Variants in DIRAS2 observed in about 807,000 individuals in gnomAD.
DIRAS2 encodes DIRAS family GTPase 2.
DIRAS2 carries 5 observed loss-of-function variants against 13.9 expected under a neutral mutation model. The ratio of observed to expected loss-of-function variants is 0.36; its 90% CI spans 0.19 to 0.76. The LOEUF (loss-of-function observed/expected upper bound fraction) is 0.76. Ranked by LOEUF, DIRAS2 falls within the 30% of genes least tolerant of loss-of-function variation. DIRAS2 has a pLI of 0.53. For synonymous variants in DIRAS2, 111 were observed against 105.4 expected, an observed-to-expected ratio of 1.05 and a Z score of -0.33; for missense variants, 191 against 263.0, an observed-to-expected ratio of 0.73 and a Z score of 1.89.
At chr9:90,642,190 T>A (rs1825424626) in intron 1 of DIRAS2, among the ~76,000 whole-genome samples, 2 of 152,242 alleles carry the variant, frequency 1.3e-5, no homozygotes, top group African/African-American at 4.8e-5. Context: ...AACTAAGGAC[T>A]GGATGCAGCC....
Position 90,610,681 on chromosome 9 carries a change from G to T in DIRAS2, c.*2547C>A. 3 of 357,614 alleles carry T rather than the reference G, an allele frequency of 8.4e-6. No homozygotes were observed. The highest frequency in any genetic ancestry group is 1.5e-5 in the Non-Finnish European group (3 of 201,900). 22.2% of individuals were successfully genotyped at this position (357,614 alleles called of 1,614,324 possible). A position where few individuals can be genotyped will look rare whatever the true frequency, so the allele number is the denominator to read the frequency against. ...CTCCTCAAACTCTGAGTCAATTGGGGATCTCCTAAAAGACGATTTTGAGAT... is the reference window on the plus strand; with the variant it reads ...CTCCTCAAACTCTGAGTCAATTGGGTATCTCCTAAAAGACGATTTTGAGAT... On this transcript the variant is annotated 3_prime_UTR_variant, in exon 2 of 2. Transcript: ENST00000375765.
chr9:90,612,155 T>C lies in DIRAS2; in HGVS notation c.*1073A>G, dbSNP rs542299555. ...GCATTTTCCAGGAACATATTTCCAA[T>C]ACAGATAGATCATCAAAAACACAGT... is the stretch of plus-strand genomic sequence containing the variant. On this transcript the variant is annotated 3_prime_UTR_variant, in exon 2 of 2. Coordinates refer to ENST00000375765, the MANE Select transcript of DIRAS2 (RefSeq NM_017594.5). The C allele has an allele frequency of 6.5e-6, 1 of 152,772 alleles. No individual in the cohort carries two copies. The highest frequency in any genetic ancestry group is 2.4e-5 in the African/African-American group (1 of 41,592). 9.5% of individuals were successfully genotyped at this position (152,772 alleles called of 1,614,324 possible).
At position 90,636,349 on chromosome 9, in the gene DIRAS2, G is replaced by A. The variant is rs568867187; in HGVS notation, c.-37+6403C>T. Among the ~76,000 whole-genome samples the A allele has an allele frequency of 3.3e-5, 5 of 152,234 alleles. No individual in the cohort carries two copies. The East Asian group carries it at 9.7e-4, about 30-fold the overall frequency. ...TACCTGCATTGAGGTAGGGATGGAAGCCAAGGGTGTGGATAAGATGGTTTG... is the reference window on the plus strand; with the variant it reads ...TACCTGCATTGAGGTAGGGATGGAAACCAAGGGTGTGGATAAGATGGTTTG... On this transcript the variant is annotated intron_variant, in intron 1 of 1. Transcript: ENST00000375765.
intron 1 of DIRAS2, among the ~76,000 whole-genome samples, chr9:90,641,605 ATTCCCCT>A: frequency 6.6e-6 from 1 of 152,200 alleles, no homozygotes; most frequent in East Asian, 1.9e-4. Flanking sequence ...AAAAAGTATG[ATTCCCCT>A]ACAAATTTGT....
rs976594418 is a variant in DIRAS2, at chr9:90,613,962, G to A, written c.-36-99C>T. On this transcript the variant is annotated intron_variant, in intron 1 of 1. Coordinates refer to ENST00000375765, the MANE Select transcript of DIRAS2 (RefSeq NM_017594.5). The surrounding 1 kb of genome is among the most constrained non-coding windows in gnomAD (Gnocchi z 5.6). ...TCTTTTGATAGCTTAAAAATGGGAG[G>A]TGATAACATTTAAAATAGCGACAAT... 25 of 1,174,346 alleles carry A rather than the reference G, an allele frequency of 2.1e-5. No homozygotes were observed. In the East Asian group the frequency reaches 6.3e-4, roughly 30 times the overall value. The allele number at this position is 1,174,346 out of a possible 1,614,324, so 72.7% of individuals were successfully genotyped here.
chr9:90,630,798 C>A (rs1020668733), intron 1 of DIRAS2, among the ~76,000 whole-genome samples: 2 of 152,162 alleles, frequency 1.3e-5, no homozygotes, highest in Non-Finnish European at 2.9e-5. Context: ...CTTTCTTCAT[C>A]CCTGTAATTG....
At chr9:90,627,219 A>G (rs972346103) in intron 1 of DIRAS2, among the ~76,000 whole-genome samples, 4 of 152,174 alleles carry the variant, frequency 2.6e-5, no homozygotes, top group Admixed American at 2.0e-4. Context: ...AGACACCGCT[A>G]TGGTTCCTGT....
At chr9:90,620,901 C>A (rs1464154038) in intron 1 of DIRAS2, among the ~76,000 whole-genome samples, 1 of 152,034 alleles carries the variant, frequency 6.6e-6, no homozygotes, top group Non-Finnish European at 1.5e-5. Flanking sequence ...TGTTATATGA[C>A]CATTATCTAG....
chr9:90,616,271 CT>C, intron 1 of DIRAS2, among the ~76,000 whole-genome samples: 1 of 152,350 alleles, frequency 6.6e-6, no homozygotes, highest in Admixed American at 6.5e-5. Flanking sequence ...GAAATATCCA[CT>C]GAGCTTCCAC....
intron 1 of DIRAS2, among the ~76,000 whole-genome samples, chr9:90,617,274 T>C (rs1429758207): frequency 6.6e-6 from 1 of 152,120 alleles, no homozygotes; most frequent in Non-Finnish European, 1.5e-5. Flanking sequence ...GGGTCAGGTT[T>C]ATGGGACAAA....
Position 90,613,068 on chromosome 9 carries a change from G to T in DIRAS2, c.*160C>A. On this transcript the variant is annotated 3_prime_UTR_variant, in exon 2 of 2. Coordinates refer to ENST00000375765, the MANE Select transcript of DIRAS2 (RefSeq NM_017594.5). The surrounding 1 kb of genome is among the most constrained non-coding windows in gnomAD (Gnocchi z 5.6). ...ACTCCAGAGTGGGTGGCTTACTGTT[G>T]GTGGTGTGAAACGCCCTCTTAAGGA... is the stretch of plus-strand genomic sequence containing the variant. 2.0e-6 allele frequency: 2 copies of T among 1,022,476 alleles called. No homozygotes were observed. The highest frequency in any genetic ancestry group is 2.8e-6 in the Non-Finnish European group (2 of 714,436). The allele number at this position is 1,022,476 out of a possible 1,614,324, so 63.3% of individuals were successfully genotyped here.
rs7040985 is a variant in DIRAS2 at position 90,642,247 on chromosome 9, A to G, written c.-37+505T>C. 6.3e-3 allele frequency among the ~76,000 whole-genome samples: 957 copies of G among 152,350 alleles called. 9 individuals carry two copies. Among genetic ancestry groups the G allele is most frequent in the African/African-American group, 0.022 (911 of 41,582 alleles). On this transcript the variant is annotated intron_variant, in intron 1 of 1. Coordinates refer to ENST00000375765, the MANE Select transcript of DIRAS2 (RefSeq NM_017594.5). ...ACAACAAGGAAGCGGAAAGGAGCAC[A>G]TGTAGATATCATGAAACACATTCTT...
intron 1 of DIRAS2, among the ~76,000 whole-genome samples, chr9:90,639,729 T>C (rs1293301687): frequency 4.6e-5 from 7 of 152,216 alleles, no homozygotes; most frequent in East Asian, 1.9e-4. Flanking sequence ...TTATTTTTCA[T>C]AGAATCACAG....
intron 1 of DIRAS2, among the ~76,000 whole-genome samples, chr9:90,632,120 C>A (rs1170919664): frequency 2.0e-5 from 3 of 152,188 alleles, no homozygotes; most frequent in Admixed American, 6.5e-5. Context: ...GCTGGGTGAT[C>A]AGTTTGCCTC....
chr9:90,633,283 T>C (rs1185174090), intron 1 of DIRAS2, among the ~76,000 whole-genome samples: 1 of 152,020 alleles, frequency 6.6e-6, no homozygotes, highest in Non-Finnish European at 1.5e-5. Context: ...CAACTAGTGA[T>C]GGGTCGGTGG....
At chr9:90,629,994 T>A (rs1238216268) in intron 1 of DIRAS2, among the ~76,000 whole-genome samples, 1 of 152,240 alleles carries the variant, frequency 6.6e-6, no homozygotes, top group Non-Finnish European at 1.5e-5. Flanking sequence ...TTTGCTAGAA[T>A]GATTCTCTTT....
chr9:90,631,367 A>C (rs1042392552), intron 1 of DIRAS2, among the ~76,000 whole-genome samples: 1 of 152,254 alleles, frequency 6.6e-6, no homozygotes, highest in African/African-American at 2.4e-5. Flanking sequence ...TTGTAAGCAC[A>C]GGGAAAAGGT....
At chr9:90,616,876 G>A (rs935015797) in intron 1 of DIRAS2, among the ~76,000 whole-genome samples, 2 of 152,170 alleles carry the variant, frequency 1.3e-5, no homozygotes, top group Non-Finnish European at 2.9e-5. Flanking sequence ...AGCATTAGAG[G>A]GGGGACAAGC....
At chr9:90,642,510 T>C (rs1825427447) in intron 1 of DIRAS2, among the ~76,000 whole-genome samples, 1 of 152,120 alleles carries the variant, frequency 6.6e-6, no homozygotes, top group South Asian at 2.1e-4. Flanking sequence ...TCCCTAATAA[T>C]ACGTAAGATA....
Sources: allele counts gnomAD v4.1 joint callset (sites outside exome capture counted in the v4.1 genomes callset), GRCh38; gene constraint gnomAD v4.1.1; non-coding constraint Gnocchi (gnomAD v3.1); transcripts MANE v1.5; gene names NCBI Gene and HGNC (gene_info 2026-07-23, HGNC 2026-07-21).